GEM: variants seen among roughly 807,000 people sequenced by gnomAD.
GEM encodes the protein GTP binding protein overexpressed in skeletal muscle, also known as GTP-binding protein GEM.
In GEM, 31 loss-of-function variants were observed where a neutral mutation model predicts 33.0. The observed-to-expected ratio is 0.94, with a 90% CI of 0.71 to 1.27. The LOEUF is 1.27. GEM is among the 50% of genes most tolerant of loss of function. GEM has a pLI of 0.00. For synonymous variants in GEM, 141 were observed against 143.7 expected, an observed-to-expected ratio of 0.98 and a Z score of 0.13; for missense variants, 354 against 390.5, an observed-to-expected ratio of 0.91 and a Z score of 0.79.
intron 2 of GEM, 189 bp downstream of exon 2, chr8:94,259,984 T>C: frequency 1.8e-6 from 1 of 543,954 alleles, no homozygotes; most frequent in East Asian, 2.8e-5. Flanking sequence ...TGGTCCTGTC[T>C]ACAAGCATTT....
chr8:94,250,296 G>A lies in GEM; in HGVS notation c.*14C>T, dbSNP rs777215195. 3.1e-6 allele frequency: 5 copies of A among 1,597,280 alleles called. No homozygotes were observed. The highest frequency in any genetic ancestry group is 4.3e-6 in the Non-Finnish European group (5 of 1,169,134). Reference sequence around the variant, plus strand: ...CAACGGCCATCAAAGGGACATCTGGGTGACCCTGGGTTCCTAGAGTACAGA... The same window carrying A: ...CAACGGCCATCAAAGGGACATCTGGATGACCCTGGGTTCCTAGAGTACAGA... On this transcript the variant is annotated 3_prime_UTR_variant, in exon 5 of 5. Transcript: ENST00000297596.
At chr8:94,259,034 T>C (rs1420146164) in intron 2 of GEM, among the ~76,000 whole-genome samples, 35 of 152,200 alleles carry the variant, frequency 2.3e-4, no homozygotes, top group Non-Finnish European at 8.8e-5. Context: ...AAAGAGGGAA[T>C]CAATTGTACA....
chr8:94,260,813 T>G (rs1035124893), intron 1 of GEM: 4 of 261,188 alleles, frequency 1.5e-5, no homozygotes, highest in Non-Finnish European at 2.2e-5. Flanking sequence ...CAAAGCAGAC[T>G]TGGATGAAAG....
chr8:94,252,187 C>T lies in GEM; in HGVS notation c.445G>A (p.Val149Ile). The change falls in exon 4 of 5, where the codon GTC becomes ATC. Residue 149 changes from valine to isoleucine, a missense_variant. Transcript: ENST00000297596. Reference protein sequence around the residue: ...NEWLHDHCMQVGDAYLIVYSI... With the variant: ...NEWLHDHCMQIGDAYLIVYSI... The stretch of plus-strand genomic sequence containing the variant: ...TAGACAATCAGGTATGCGTCCCCGA[C>T]CTGCATGCAGTGGTCATGGAGCCAT... 6.2e-7 allele frequency: 1 copy of T among 1,613,328 alleles called. No individual in the cohort carries two copies.
At chr8:94,257,106 G>A (rs1173526997) in intron 2 of GEM, among the ~76,000 whole-genome samples, 1 of 151,884 alleles carries the variant, frequency 6.6e-6, no homozygotes, top group Admixed American at 6.6e-5. Flanking sequence ...TGTCCCTAGG[G>A]TCCAGTTCAG....
intron 3 of GEM, 148 bp from the exon 4 acceptor site, chr8:94,252,371 A>G (rs1276837871): frequency 3.2e-6 from 2 of 632,692 alleles, no homozygotes; most frequent in Non-Finnish European, 5.6e-6. Flanking sequence ...ACTCCCTAAA[A>G]GCATTGGTCT....
In GEM at chr8:94,260,641, C is replaced by T. The variant is rs923919828; in HGVS notation, c.-9-129G>A. 7 of 618,258 alleles carry T rather than the reference C, an allele frequency of 1.1e-5. No individual in the cohort carries two copies. In the African/African-American group the frequency reaches 1.3e-4, roughly 11 times the overall value. The allele number at this position is 618,258 out of a possible 1,614,324, so 38.3% of individuals were successfully genotyped here. A position where few individuals can be genotyped will look rare whatever the true frequency, so the allele number is the denominator to read the frequency against. ...AAGCAAGTATCCCTAACATAAAGACCACCAATTAAACAGTCCCCCAAACCC... is the reference window on the plus strand; with the variant it reads ...AAGCAAGTATCCCTAACATAAAGACTACCAATTAAACAGTCCCCCAAACCC... On this transcript the variant is annotated intron_variant, in intron 1 of 4. Transcript: ENST00000297596.
rs770830845 is a variant in GEM, at chr8:94,253,160, C to A, written c.332-48G>T. 9 of 966,908 alleles carry A rather than the reference C, an allele frequency of 9.3e-6. 1 individual carries two copies. The South Asian group carries it at 1.2e-4, about 13-fold the overall frequency. The allele number at this position is 966,908 out of a possible 1,614,324, so 59.9% of individuals were successfully genotyped here. On this transcript the variant is annotated intron_variant, in intron 2 of 4. Coordinates refer to ENST00000297596, the MANE Select transcript of GEM (RefSeq NM_005261.4). ...ATTGGAGTCAGGCGAATATGCAACACTTCTCCATAAGAGGGTCAGGTAGAA... is the reference window on the plus strand; with the variant it reads ...ATTGGAGTCAGGCGAATATGCAACAATTCTCCATAAGAGGGTCAGGTAGAA...
chr8:94,257,074 C>G (rs1808905513), intron 2 of GEM, among the ~76,000 whole-genome samples: 1 of 152,210 alleles, frequency 6.6e-6, no homozygotes, highest in East Asian at 1.9e-4. Flanking sequence ...TCCCACCTAG[C>G]TCAGGGCTTC....
At position 94,250,498 on chromosome 8, in the gene GEM, T is replaced by C. The variant is rs141761903; in HGVS notation, c.703A>G (p.Ile235Val). ...CGCCGAAGGCGCACCTGTCGCACAA[T>C]GCCCTCAAACAGCTCCTTCACGTTG... ...QHNVKELFEG[I>V]VRQVRLRRDS... The change falls in exon 5 of 5, where the codon ATT becomes GTT. Residue 235 changes from isoleucine (I) to valine (V), a missense_variant. Ile to Val is a conservative substitution (Grantham distance 29). Transcript: ENST00000297596. 1.9e-6 allele frequency: 3 copies of C among 1,614,100 alleles called. No homozygotes were observed. The African/African-American group carries it at 4.0e-5, about 22-fold the overall frequency.
intron 2 of GEM, among the ~76,000 whole-genome samples, chr8:94,258,304 G>A (rs1479209846): frequency 6.6e-6 from 1 of 152,068 alleles, no homozygotes; most frequent in African/African-American, 2.4e-5. Context: ...ACAACTCCCA[G>A]TCCATCTCTT....
chr8:94,254,232 C>G lies in GEM; in HGVS notation c.332-1120G>C, dbSNP rs1357032686. On this transcript the variant is annotated intron_variant, in intron 2 of 4. Coordinates refer to ENST00000297596, the MANE Select transcript of GEM (RefSeq NM_005261.4). Reference sequence around the variant, plus strand: ...TTCTATTATTTTCTGTCCCTCCTGCCCCTCTCGTAATGTTAGGGCAGACAT... The same window carrying G: ...TTCTATTATTTTCTGTCCCTCCTGCGCCTCTCGTAATGTTAGGGCAGACAT... Among the ~76,000 whole-genome samples, 6 of 152,158 alleles carry G rather than the reference C, an allele frequency of 3.9e-5. No homozygotes were observed. The South Asian group carries it at 1.2e-3, about 32-fold the overall frequency.
At chr8:94,256,820 C>T (rs997010189) in intron 2 of GEM, among the ~76,000 whole-genome samples, 3 of 152,202 alleles carry the variant, frequency 2.0e-5, no homozygotes, top group African/African-American at 4.8e-5. Flanking sequence ...CTAACTAATG[C>T]TCATTTCGTA....
At chr8:94,258,241 G>A (rs1277766957) in intron 2 of GEM, among the ~76,000 whole-genome samples, 1 of 151,936 alleles carries the variant, frequency 6.6e-6, no homozygotes, top group Non-Finnish European at 1.5e-5. Context: ...AAACATTTTT[G>A]AAAGTCTACT....
intron 4 of GEM, among the ~76,000 whole-genome samples, chr8:94,250,887 C>G (rs1450683807): frequency 1.3e-5 from 2 of 152,214 alleles, no homozygotes; most frequent in African/African-American, 4.8e-5. Flanking sequence ...TAATTTACTG[C>G]TGACTTACAA....
At chr8:94,251,518 T>TA (rs762647824) in intron 4 of GEM, among the ~76,000 whole-genome samples, 1 of 152,218 alleles carries the variant, frequency 6.6e-6, no homozygotes, top group Non-Finnish European at 1.5e-5. Flanking sequence ...ACTCAGCAGA[T>TA]AGAGATTTTC....
chr8:94,257,570 T>G (rs185176376), intron 2 of GEM, among the ~76,000 whole-genome samples: 212 of 152,280 alleles, frequency 1.4e-3, no homozygotes, highest in African/African-American at 4.5e-3. Flanking sequence ...TTCAAGACAT[T>G]TACCACATCC....
chr8:94,260,088 T>G (rs1402497911), intron 2 of GEM, 85 bp downstream of exon 2: 4 of 857,870 alleles, frequency 4.7e-6, no homozygotes, highest in Non-Finnish European at 7.5e-6. Context: ...CTCCCAACTC[T>G]GTGGGTAAAT....
At position 94,250,301 on chromosome 8, in the gene GEM, C is replaced by A. The variant is rs1163897517; in HGVS notation, c.*9G>T. ...GCCATCAAAGGGACATCTGGGTGAC[C>A]CTGGGTTCCTAGAGTACAGAGAGGT... On this transcript the variant is annotated 3_prime_UTR_variant, in exon 5 of 5. Coordinates refer to ENST00000297596, the MANE Select transcript of GEM (RefSeq NM_005261.4). 16 of 1,603,560 alleles carry A rather than the reference C, an allele frequency of 1.0e-5. No homozygotes were observed. The highest frequency in any genetic ancestry group is 1.3e-5 in the Non-Finnish European group (15 of 1,173,132).
Sources: allele counts gnomAD v4.1 joint callset (sites outside exome capture counted in the v4.1 genomes callset), GRCh38; gene constraint gnomAD v4.1.1; transcripts MANE v1.5; gene names NCBI Gene and HGNC (gene_info 2026-07-23, HGNC 2026-07-21).